KCNT2: variants seen among roughly 807,000 people sequenced by gnomAD.
The protein encoded by KCNT2 is potassium sodium-activated channel subfamily T member 2.
KCNT2 carries 67 observed loss-of-function variants against 153.8 expected under a neutral mutation model. The ratio of observed to expected loss-of-function variants is 0.44; its 90% CI spans 0.36 to 0.53. The LOEUF is 0.53. Ranked by LOEUF, KCNT2 falls within the 20% of genes least tolerant of loss-of-function variation. The pLI is 0.00. For missense variants in KCNT2, 975 were observed against 1,354.8 expected, an observed-to-expected ratio of 0.72 and a Z score of 4.40; for synonymous variants, 500 against 458.8, an observed-to-expected ratio of 1.09 and a Z score of -1.15.
intron 22 of KCNT2, among the ~76,000 whole-genome samples, chr1:196,291,507 T>A (rs1660182102): frequency 6.6e-6 from 1 of 152,078 alleles, no homozygotes; most frequent in Non-Finnish European, 1.5e-5. Context: ...TTTTATGAAT[T>A]GCACTTTATC....
chr1:196,497,349 T>C (rs961737833), intron 1 of KCNT2, among the ~76,000 whole-genome samples: 3 of 152,234 alleles, frequency 2.0e-5, no homozygotes, highest in Non-Finnish European at 4.4e-5. Flanking sequence ...TACTAAGTGC[T>C]ATTTCCCTCC....
intron 12 of KCNT2, among the ~76,000 whole-genome samples, chr1:196,411,446 TAAAAAAAA>T (rs35196093): frequency 6.2e-5 from 6 of 96,306 alleles, no homozygotes; most frequent in Admixed American, 5.7e-4. Flanking sequence ...CTATTCCAGT[TAAAAAAAA>T]AAAAAAAAAA....
chr1:196,230,109 G>C (rs779299041), intron 27 of KCNT2, among the ~76,000 whole-genome samples: 7 of 152,010 alleles, frequency 4.6e-5, no homozygotes, highest in Non-Finnish European at 1.0e-4. Flanking sequence ...GGAAAAAGTT[G>C]CCATCTAGTA....
At chr1:196,362,752 T>A (rs1368832196) in intron 14 of KCNT2, among the ~76,000 whole-genome samples, 2 of 152,108 alleles carry the variant, frequency 1.3e-5, no homozygotes, top group Non-Finnish European at 1.5e-5. Flanking sequence ...TTTTAAAGAG[T>A]TTCAGGCAGT....
chr1:196,348,099 A>G (rs1208859120), intron 14 of KCNT2, among the ~76,000 whole-genome samples: 1 of 152,066 alleles, frequency 6.6e-6, no homozygotes, highest in African/African-American at 2.4e-5. Context: ...TTCATGCTCA[A>G]TTACTAAATG....
chr1:196,516,725 TCGGG>T (rs1682088443), intron 1 of KCNT2, among the ~76,000 whole-genome samples: 1 of 152,100 alleles, frequency 6.6e-6, no homozygotes, highest in African/African-American at 2.4e-5. Flanking sequence ...GTCAGTGTGT[TCGGG>T]CTGGCAACAG....
chr1:196,291,602 C>T (rs990417170), intron 22 of KCNT2, among the ~76,000 whole-genome samples: 6 of 152,020 alleles, frequency 3.9e-5, no homozygotes, highest in African/African-American at 1.4e-4. Flanking sequence ...GTGACACTAT[C>T]ATTAACCTAC....
At chr1:196,250,087 T>TA (rs936280309) in intron 26 of KCNT2, among the ~76,000 whole-genome samples, 151 of 144,800 alleles carry the variant, frequency 1.0e-3, no homozygotes, top group Admixed American at 2.8e-3. Context: ...TTCACACAAA[T>TA]AAAAAAAAAA....
intron 13 of KCNT2, among the ~76,000 whole-genome samples, chr1:196,380,035 A>G (rs115774112): frequency 3.5e-3 from 539 of 152,330 alleles, no homozygotes; most frequent in African/African-American, 0.013. Flanking sequence ...AAGTGGCAAA[A>G]CAATATAGCA....
intron 1 of KCNT2, among the ~76,000 whole-genome samples, chr1:196,577,864 G>A (rs908835160): frequency 6.6e-6 from 1 of 152,146 alleles, no homozygotes; most frequent in Non-Finnish European, 1.5e-5. Context: ...CAAAAAAGTA[G>A]AATTCATAAT....
At chr1:196,239,292 C>T (rs1183138166) in intron 26 of KCNT2, among the ~76,000 whole-genome samples, 1 of 151,610 alleles carries the variant, frequency 6.6e-6, no homozygotes, top group Non-Finnish European at 1.5e-5. Context: ...AGTACTGTTT[C>T]ATCAGTGACA....
intron 27 of KCNT2, among the ~76,000 whole-genome samples, chr1:196,234,866 G>T (rs1275831358): frequency 1.3e-5 from 2 of 151,292 alleles, no homozygotes; most frequent in Non-Finnish European, 3.0e-5. Flanking sequence ...TTTGGCATTT[G>T]TTTTATGTCA....
chr1:196,416,812 A>T (rs767943057), intron 12 of KCNT2, among the ~76,000 whole-genome samples: 1 of 152,058 alleles, frequency 6.6e-6, no homozygotes, highest in Non-Finnish European at 1.5e-5. Flanking sequence ...TAAATGTACA[A>T]TTGAGTTATT....
chr1:196,434,007 C>A (rs1156472135), intron 8 of KCNT2, among the ~76,000 whole-genome samples: 1 of 152,086 alleles, frequency 6.6e-6, no homozygotes, highest in African/African-American at 2.4e-5. Flanking sequence ...AATGGCCCAG[C>A]AAAATCGCCC....
intron 25 of KCNT2, 45 bp downstream of exon 25, chr1:196,280,815 C>T (rs753717564): frequency 1.9e-6 from 3 of 1,541,926 alleles, no homozygotes; most frequent in African/African-American, 2.7e-5. Flanking sequence ...TGATTGCACT[C>T]ATCAGATTAA....
intron 1 of KCNT2, among the ~76,000 whole-genome samples, chr1:196,508,760 T>G (rs1479780987): frequency 1.3e-5 from 2 of 152,180 alleles, no homozygotes; most frequent in Non-Finnish European, 2.9e-5. Context: ...TCCATTTAAT[T>G]GGAAAAATCA....
chr1:196,349,403 T>C (rs1666425398), intron 14 of KCNT2, among the ~76,000 whole-genome samples: 1 of 152,160 alleles, frequency 6.6e-6, no homozygotes, highest in Non-Finnish European at 1.5e-5. Flanking sequence ...CTCAGGCTTG[T>C]TCTCCCTGGG....
intron 20 of KCNT2, 61 bp from the exon 21 acceptor site, chr1:196,316,087 G>A: frequency 2.0e-6 from 3 of 1,508,838 alleles, no homozygotes; most frequent in Non-Finnish European, 9.1e-7. Context: ...TATAATCAGT[G>A]CTAAAGTCTA....
chr1:196,587,703 C>A (rs945428581), intron 1 of KCNT2, among the ~76,000 whole-genome samples: 1 of 151,932 alleles, frequency 6.6e-6, no homozygotes, highest in African/African-American at 2.4e-5. Flanking sequence ...AAACTTAAAT[C>A]TTCTGTTTTA....
Sources: gnomAD v4.1 joint callset for allele counts (sites outside exome capture counted in the v4.1 genomes callset) on GRCh38, gnomAD v4.1.1 for gene constraint, MANE v1.5 for transcripts, NCBI Gene and HGNC (gene_info 2026-07-23, HGNC 2026-07-21) for gene names.